Variants in SPATA16 observed in about 807,000 individuals in gnomAD.
SPATA16 encodes spermatogenesis associated 16, also known as spermatogenesis-associated protein 16.
A neutral mutation model predicts 63.3 loss-of-function variants in SPATA16; 36 were observed. The ratio of observed to expected loss-of-function variants is 0.57; its 90% CI spans 0.44 to 0.75. SPATA16 has a LOEUF of 0.75. SPATA16 is among the 30% of genes least tolerant of loss of function. The probability of loss-of-function intolerance (pLI) is 0.00; values close to 1 mark genes in which losing one functional copy is unlikely to be tolerated. For missense variants in SPATA16, 646 were observed against 679.3 expected (o/e 0.95, Z 0.54); for synonymous variants, 203 against 216.7 (o/e 0.94, Z 0.56).
chr3:173,023,248 T>G (rs1029440591), intron 3 of SPATA16, among the ~76,000 whole-genome samples: 15 of 151,636 alleles, frequency 9.9e-5, no homozygotes, highest in Non-Finnish European at 1.6e-4. Flanking sequence ...TATCTCAGGT[T>G]TCCCAATTCG....
chr3:172,931,266 G>A (rs1226748231), intron 6 of SPATA16, among the ~76,000 whole-genome samples: 3 of 151,972 alleles, frequency 2.0e-5, no homozygotes, highest in Non-Finnish European at 2.9e-5. Flanking sequence ...TTTGAAATAG[G>A]GTCTTACTCT....
chr3:172,916,573 T>C (rs111569973), intron 8 of SPATA16, 92 bp from the exon 9 acceptor site: 63,738 of 1,354,536 alleles, frequency 0.047, 1,833 homozygotes, highest in South Asian at 0.061. Context: ...ATAACGTATT[T>C]ACATCTTTTG....
chr3:173,056,289 T>C (rs1479571684), intron 2 of SPATA16, among the ~76,000 whole-genome samples: 1 of 152,206 alleles, frequency 6.6e-6, no homozygotes, highest in Non-Finnish European at 1.5e-5. Context: ...TTTTTGTTTT[T>C]GTTTTTCTTA....
intron 2 of SPATA16, among the ~76,000 whole-genome samples, chr3:173,090,559 G>T (rs1737197119): frequency 6.6e-6 from 1 of 151,850 alleles, no homozygotes; most frequent in Admixed American, 6.6e-5. Flanking sequence ...TCCTTTTTTT[G>T]CAAATGAGGA....
chr3:173,128,641 C>T (rs371958449), intron 1 of SPATA16, among the ~76,000 whole-genome samples: 1 of 152,208 alleles, frequency 6.6e-6, no homozygotes, highest in South Asian at 2.1e-4. Flanking sequence ...CCTACTCCAA[C>T]TCCCACCGCT....
chr3:172,958,651 C>T (rs563983114), intron 5 of SPATA16, among the ~76,000 whole-genome samples: 1 of 152,156 alleles, frequency 6.6e-6, no homozygotes, highest in Non-Finnish European at 1.5e-5. Flanking sequence ...TTTATTTTCT[C>T]ACAGTTCTGG....
intron 4 of SPATA16, among the ~76,000 whole-genome samples, chr3:172,979,728 C>G (rs1484214072): frequency 6.6e-6 from 1 of 151,716 alleles, no homozygotes; most frequent in African/African-American, 2.4e-5. Flanking sequence ...GGGCTCAAGT[C>G]TTTTTTTTAA....
intron 4 of SPATA16, among the ~76,000 whole-genome samples, chr3:173,006,875 T>C (rs1432928799): frequency 6.6e-6 from 1 of 152,172 alleles, no homozygotes; most frequent in Non-Finnish European, 1.5e-5. Flanking sequence ...AAGCTGCTGC[T>C]TGGCAAAAAT....
chr3:172,937,350 G>A (rs1733024735), intron 6 of SPATA16, among the ~76,000 whole-genome samples: 1 of 152,142 alleles, frequency 6.6e-6, no homozygotes, highest in Non-Finnish European at 1.5e-5. Flanking sequence ...GTTACCAATG[G>A]AATTTAGCGG....
At chr3:173,135,506 A>G (rs1455374973) in intron 1 of SPATA16, among the ~76,000 whole-genome samples, 2 of 152,202 alleles carry the variant, frequency 1.3e-5, no homozygotes. Flanking sequence ...ACAACGTAAT[A>G]ACATAATAAC....
At chr3:173,018,347 T>TCAC (rs930649290) in intron 4 of SPATA16, among the ~76,000 whole-genome samples, 5 of 151,058 alleles carry the variant, frequency 3.3e-5, no homozygotes, top group Non-Finnish European at 5.9e-5. Flanking sequence ...CGATCTCGGC[T>TCAC]CACCACAACC....
chr3:173,030,526 G>A lies in SPATA16; in HGVS notation c.759-10951C>T, dbSNP rs147351281. ...GAAATTCAAACCAAAACCACAATGA[G>A]ATACCATCTCACACCCATTAGAATA... On this transcript the variant is annotated intron_variant, in intron 3 of 10. Transcript: ENST00000351008. Among the ~76,000 whole-genome samples, 833 of 152,086 alleles carry A rather than the reference G, an allele frequency of 5.5e-3. 7 individuals carry two copies. Among genetic ancestry groups the A allele is most frequent in the African/African-American group, 0.019 (808 of 41,530 alleles).
chr3:173,000,537 T>G (rs1438984300), intron 4 of SPATA16, among the ~76,000 whole-genome samples: 1 of 152,188 alleles, frequency 6.6e-6, no homozygotes, highest in Admixed American at 6.5e-5. Context: ...TTGCATTTAT[T>G]TTGCTGTTCT....
intron 4 of SPATA16, among the ~76,000 whole-genome samples, chr3:172,987,114 C>T (rs1430328725): frequency 1.3e-5 from 2 of 152,120 alleles, no homozygotes; most frequent in East Asian, 1.9e-4. Flanking sequence ...GAAAGGAAAA[C>T]CTAAAACTGA....
At chr3:172,993,822 T>A (rs1734637198) in intron 4 of SPATA16, among the ~76,000 whole-genome samples, 1 of 152,130 alleles carries the variant, frequency 6.6e-6, no homozygotes, top group Non-Finnish European at 1.5e-5. Context: ...GCTCTATTCT[T>A]GTCTGGAATG....
At chr3:173,035,178 A>C (rs989526370) in intron 3 of SPATA16, among the ~76,000 whole-genome samples, 1 of 151,312 alleles carries the variant, frequency 6.6e-6, no homozygotes, top group African/African-American at 2.4e-5. Context: ...AACCTACTTG[A>C]GAGAAATAAT....
intron 5 of SPATA16, among the ~76,000 whole-genome samples, chr3:172,969,187 C>T (rs1477314256): frequency 6.6e-6 from 1 of 152,134 alleles, no homozygotes; most frequent in African/African-American, 2.4e-5. Context: ...GAAAATCTGA[C>T]TTACATCATG....
intron 4 of SPATA16, among the ~76,000 whole-genome samples, chr3:172,979,202 A>T (rs1734240565): frequency 6.6e-6 from 1 of 151,972 alleles, no homozygotes; most frequent in Admixed American, 6.5e-5. Flanking sequence ...GCGCCACTGC[A>T]CTCCAGCCTG....
chr3:173,008,893 T>A (rs1229422578), intron 4 of SPATA16, among the ~76,000 whole-genome samples: 1 of 152,208 alleles, frequency 6.6e-6, no homozygotes, highest in Non-Finnish European at 1.5e-5. Context: ...CAATTTTTGC[T>A]AAAATAAAAA....
Sources: gnomAD v4.1 joint callset for allele counts (sites outside exome capture counted in the v4.1 genomes callset) on GRCh38, gnomAD v4.1.1 for gene constraint, MANE v1.5 for transcripts, NCBI Gene and HGNC (gene_info 2026-07-23, HGNC 2026-07-21) for gene names.